Variants in GABRR3 observed in about 807,000 individuals in gnomAD.
GABRR3 encodes gamma-aminobutyric acid receptor subunit rho-3.
In GABRR3, 29 loss-of-function variants were observed where a neutral mutation model predicts 43.2. The observed-to-expected ratio is 0.67, with a 90% CI of 0.50 to 0.92. GABRR3 has a LOEUF of 0.92. GABRR3 is among the 40% of genes least tolerant of loss of function. The probability of loss-of-function intolerance (pLI) is 0.00; values close to 1 mark genes in which losing one functional copy is unlikely to be tolerated. For synonymous variants in GABRR3, 206 were observed against 195.9 expected, an observed-to-expected ratio of 1.05 and a Z score of -0.43; for missense variants, 576 against 572.3, an observed-to-expected ratio of 1.01 and a Z score of -0.07.
intron 2 of GABRR3, among the ~76,000 whole-genome samples, chr3:98,033,004 A>G (rs1421860826): frequency 6.6e-6 from 1 of 152,176 alleles, no homozygotes; most frequent in East Asian, 1.9e-4. Context: ...AAATGACTCT[A>G]TACAGTAATT....
chr3:98,026,152 G>T (rs879701760), intron 2 of GABRR3, among the ~76,000 whole-genome samples: 1 of 152,128 alleles, frequency 6.6e-6, no homozygotes, highest in African/African-American at 2.4e-5. Flanking sequence ...CGAAAGGACC[G>T]CAAGATTGTA....
chr3:98,003,222 A>G lies in GABRR3; in HGVS notation c.755-1455T>C, dbSNP rs182511201. 2.0e-5 allele frequency among the ~76,000 whole-genome samples: 3 copies of G among 152,266 alleles called. No individual in the cohort carries two copies. In the East Asian group the frequency reaches 5.8e-4, roughly 29 times the overall value. ...CTGAGAGTTTCAGTGATGGCTGTAG[A>G]GTACAATAACAGCTTTCTGACCTTA... On this transcript the variant is annotated intron_variant, in intron 7 of 9. Transcript: ENST00000621172.
chr3:97,999,245 G>A (rs1706601109), intron 8 of GABRR3: 1 of 152,108 alleles, frequency 6.6e-6, no homozygotes. Flanking sequence ...AAATGAGCTT[G>A]GGTAATGCAT....
intron 2 of GABRR3, among the ~76,000 whole-genome samples, chr3:98,026,723 T>C (rs1184624140): frequency 6.6e-6 from 1 of 152,144 alleles, no homozygotes; most frequent in Non-Finnish European, 1.5e-5. Flanking sequence ...GAATAGCTAA[T>C]ATGCTTTTGT....
chr3:97,985,972 T>C (rs1419640442), downstream of GABRR3, among the ~76,000 whole-genome samples: 1 of 152,122 alleles, frequency 6.6e-6, no homozygotes, highest in Non-Finnish European at 1.5e-5. Flanking sequence ...GTTAAAGTGA[T>C]TCTCCTGCCT....
chr3:98,001,601 G>T lies in GABRR3; in HGVS notation c.907+14C>A. The T allele has an allele frequency of 6.2e-7, 1 of 1,612,152 alleles. No homozygotes were observed. Among genetic ancestry groups the T allele is most frequent in the Non-Finnish European group, 8.5e-7 (1 of 1,178,808 alleles). ...TCCCATGTTAACATTTTATAAAGAT[G>T]GGGAAAGATTTACCCAGGGAAACTC... On this transcript the variant is annotated intron_variant, in intron 8 of 9. Coordinates refer to ENST00000621172, the Ensembl canonical transcript of GABRR3.
intron 3 of GABRR3, among the ~76,000 whole-genome samples, chr3:98,025,238 A>G (rs889980175): frequency 3.9e-5 from 6 of 152,262 alleles, no homozygotes; most frequent in African/African-American, 1.4e-4. Flanking sequence ...TCATAAGAAT[A>G]TTCAATAAGA....
At chr3:98,008,211 G>A (rs1440676092) in intron 6 of GABRR3, among the ~76,000 whole-genome samples, 1 of 152,110 alleles carries the variant, frequency 6.6e-6, no homozygotes, top group Non-Finnish European at 1.5e-5. Context: ...GTTAAGCCAG[G>A]CCTCAGAGTG....
chr3:98,005,011 A>G (rs542012739), intron 7 of GABRR3, among the ~76,000 whole-genome samples: 1 of 152,228 alleles, frequency 6.6e-6, no homozygotes, highest in South Asian at 2.1e-4. Context: ...CCGAAACCTA[A>G]CTAAGGGATG....
chr3:97,996,483 A>AT (rs1387938721), intron 8 of GABRR3, among the ~76,000 whole-genome samples: 5 of 152,096 alleles, frequency 3.3e-5, no homozygotes, highest in Admixed American at 1.3e-4. Flanking sequence ...TTAGGAGATG[A>AT]TTTTTTCTCT....
At chr3:97,991,745 G>A (rs1293915730) in intron 9 of GABRR3, among the ~76,000 whole-genome samples, 3 of 152,154 alleles carry the variant, frequency 2.0e-5, no homozygotes, top group Non-Finnish European at 2.9e-5. Context: ...TGACAGGAAG[G>A]TTCGGTGTGA....
At chr3:98,005,987 T>G (rs1706720539) in intron 7 of GABRR3, among the ~76,000 whole-genome samples, 1 of 152,108 alleles carries the variant, frequency 6.6e-6, no homozygotes, top group South Asian at 2.1e-4. Flanking sequence ...ACTTCACATA[T>G]ACCATGCTTC....
At chr3:98,016,658 G>T (rs1706876336) in intron 4 of GABRR3, among the ~76,000 whole-genome samples, 1 of 152,160 alleles carries the variant, frequency 6.6e-6, no homozygotes. Context: ...ACTGAAGGGG[G>T]CTCAACCAAA....
chr3:98,010,771 C>T (rs975899214), intron 5 of GABRR3, among the ~76,000 whole-genome samples: 4 of 152,102 alleles, frequency 2.6e-5, no homozygotes, highest in Non-Finnish European at 4.4e-5. Context: ...GACTTGACTC[C>T]AGTATGTATG....
At chr3:97,995,645 G>A (rs1002814095) in intron 8 of GABRR3, among the ~76,000 whole-genome samples, 46 of 151,902 alleles carry the variant, frequency 3.0e-4, no homozygotes, top group Middle Eastern at 3.4e-3. Context: ...AGGGATTGTT[G>A]GGTAGGGGGA....
Position 97,990,491 on chromosome 3 carries a change from G to A in GABRR3, c.1104+2361C>T, listed in dbSNP as rs117723997. Among the ~76,000 whole-genome samples, 155 of 152,124 alleles carry A rather than the reference G, an allele frequency of 1.0e-3. No individual in the cohort carries two copies. The East Asian group carries it at 0.013, about 13-fold the overall frequency. The stretch of plus-strand genomic sequence containing the variant: ...AGCCTCCTGAGTAGCTGGGATTACA[G>A]GTTCCCACCACACGCCCGGCTAATT... On this transcript the variant is annotated intron_variant, in intron 9 of 9. Transcript: ENST00000621172.
intron 9 of GABRR3, among the ~76,000 whole-genome samples, chr3:97,991,500 T>C (rs1198798074): frequency 6.6e-6 from 1 of 152,240 alleles, no homozygotes; most frequent in African/African-American, 2.4e-5. Flanking sequence ...GCAAACATAG[T>C]CACATGCTGC....
intron 3 of GABRR3, 35 bp downstream of exon 3, chr3:98,025,532 G>C (rs780665241): frequency 7.1e-7 from 1 of 1,417,302 alleles, no homozygotes; most frequent in South Asian, 1.3e-5. Flanking sequence ...CAGTGCAATG[G>C]GTTTTGAAAT....
chr3:97,987,633 G>T (rs971791395), intron 9 of GABRR3, among the ~76,000 whole-genome samples: 5 of 152,074 alleles, frequency 3.3e-5, no homozygotes, highest in East Asian at 1.9e-4. Flanking sequence ...ACATGTCTTC[G>T]ATTTATAGTG....
Sources: gnomAD v4.1 joint callset for allele counts (sites outside exome capture counted in the v4.1 genomes callset) on GRCh38, gnomAD v4.1.1 for gene constraint, MANE v1.5 for transcripts, NCBI Gene and HGNC (gene_info 2026-07-23, HGNC 2026-07-21) for gene names.